FBXO31: variants seen among roughly 807,000 people sequenced by gnomAD.
FBXO31 encodes the protein F-box only protein 31.
Under a neutral mutation model 54.4 loss-of-function variants are expected in FBXO31, and 24 were observed. That is an observed-to-expected ratio of 0.44 (90% CI 0.32 to 0.62). The LOEUF (loss-of-function observed/expected upper bound fraction) is 0.62. Among genes scored for constraint, FBXO31 ranks in the 20% least tolerant of loss-of-function variants. FBXO31 has a pLI of 0.05. For synonymous variants in FBXO31, 388 were observed against 335.6 expected (o/e 1.16, Z -1.71); for missense variants, 665 against 787.1 (o/e 0.84, Z 1.86).
Position 87,383,348 on chromosome 16 carries a change from C to T in FBXO31, c.340+57G>A. ...GCCCCCGCCACTCCCAGCTCCGAGG[C>T]CTCCACCTGGCAGGGACCCCCCGCC... On this transcript the variant is annotated intron_variant, in intron 1 of 8. Coordinates refer to ENST00000311635, the MANE Select transcript of FBXO31 (RefSeq NM_024735.5). The surrounding 1 kb of genome is among the most constrained non-coding windows in gnomAD (Gnocchi z 4.9). 3.5e-6 allele frequency: 5 copies of T among 1,410,422 alleles called. No individual in the cohort carries two copies. Among genetic ancestry groups the T allele is most frequent in the South Asian group, 2.6e-5 (2 of 77,858 alleles). 87.4% of individuals were successfully genotyped at this position (1,410,422 alleles called of 1,614,324 possible).
chr16:87,335,202 C>T lies in FBXO31; in HGVS notation c.996+102G>A. ...GCAGGTGCAAGCCCACTCTGAGGAG[C>T]AAGGGTGCCGGGGATCAGTGTCTGC... On this transcript the variant is annotated intron_variant, in intron 7 of 8. Transcript: ENST00000311635. This position sits in a 1 kb window ranked among gnomAD's most constrained non-coding sequence, Gnocchi z 5.7. The T allele has an allele frequency of 6.5e-7, 1 of 1,539,160 alleles. No homozygotes were observed. The highest frequency in any genetic ancestry group is 1.1e-5 in the South Asian group (1 of 88,530).
intron 2 of FBXO31, among the ~76,000 whole-genome samples, chr16:87,356,032 C>T (rs1905875266): frequency 6.6e-6 from 1 of 152,060 alleles, no homozygotes; most frequent in African/African-American, 2.4e-5. Context: ...AGTTCAAAAC[C>T]AGCCTGGCCA....
rs748126473 is a variant in FBXO31, at chr16:87,331,363, G to A, written c.1545C>T (p.Thr515=). The change falls in exon 9 of 9, where the codon ACC becomes ACT. Residue 515 remains threonine (T), a synonymous_variant. Transcript: ENST00000311635. ...GGGACGGCGCATCTGCGTTCCGGAA[G>A]GTGGCCTGGACCCGGCTGTACAGGC... ...SFSLYSRVQA[T]FRNADAPSPQ... 4.3e-6 allele frequency: 7 copies of A among 1,614,040 alleles called. No individual in the cohort carries two copies. The highest frequency in any genetic ancestry group is 2.2e-5 in the East Asian group (1 of 44,874).
At chr16:87,348,800 G>C (rs1905512026) in intron 2 of FBXO31, among the ~76,000 whole-genome samples, 1 of 152,232 alleles carries the variant, frequency 6.6e-6, no homozygotes, top group South Asian at 2.1e-4. Flanking sequence ...GGCAGGACCA[G>C]CGCAGGGTGG....
At chr16:87,339,010 G>T (rs1386503286) in intron 5 of FBXO31, among the ~76,000 whole-genome samples, 1 of 152,062 alleles carries the variant, frequency 6.6e-6, no homozygotes, top group East Asian at 1.9e-4. Context: ...TTTTTTGCCT[G>T]CCGCCATGTA....
rs1175692349 is a variant in FBXO31, at chr16:87,383,728, C to G, written c.17G>C (p.Arg6Pro). The change falls in exon 1 of 9, where the codon CGC becomes CCC. Residue 6 changes from arginine to proline, a missense_variant. Physicochemically the swap from Arg to Pro is moderately radical, Grantham distance 103. Coordinates refer to ENST00000311635, the MANE Select transcript of FBXO31 (RefSeq NM_024735.5). This position sits in a 1 kb window ranked among gnomAD's most constrained non-coding sequence, Gnocchi z 4.9. ...GCGCGACGGGCCCACGCCGCAAAGGCGAGCACACACCGCCATGCCGCCCAG... is the reference window on the plus strand; with the variant it reads ...GCGCGACGGGCCCACGCCGCAAAGGGGAGCACACACCGCCATGCCGCCCAG... MAVCA[R>P]LCGVGPSRGC... 1.6e-6 allele frequency: 2 copies of G among 1,231,918 alleles called. No individual in the cohort carries two copies. Among genetic ancestry groups the G allele is most frequent in the East Asian group, 3.5e-5 (1 of 28,538 alleles). The allele number at this position is 1,231,918 out of a possible 1,614,324, so 76.3% of individuals were successfully genotyped here. A position where few individuals can be genotyped will look rare whatever the true frequency, so the allele number is the denominator to read the frequency against.
chr16:87,375,915 C>G (rs1343419518), intron 1 of FBXO31, among the ~76,000 whole-genome samples: 1 of 152,234 alleles, frequency 6.6e-6, no homozygotes, highest in Non-Finnish European at 1.5e-5. Context: ...CTGCCGCCAC[C>G]CTCAGCCTGA....
chr16:87,380,491 G>A (rs998439824), intron 1 of FBXO31, among the ~76,000 whole-genome samples: 1 of 152,010 alleles, frequency 6.6e-6, no homozygotes, highest in East Asian at 1.9e-4. Flanking sequence ...AGCCTCGACC[G>A]CCTCAGGGTC....
At chr16:87,334,366 C>T in intron 7 of FBXO31, 80 bp from the exon 8 acceptor site, 1 of 1,358,634 alleles carries the variant, frequency 7.4e-7, no homozygotes. Context: ...CCCAGATCCA[C>T]CTCTGGCTGA....
In FBXO31 at chr16:87,342,487, A is replaced by C. The variant is rs77740726; in HGVS notation, c.732+390T>G. On this transcript the variant is annotated intron_variant, in intron 5 of 8. Transcript: ENST00000311635. ...GCACTGGCACGATCCGGAAGCCTCC[A>C]CACGGTCTGCTCAAGGATGGGAAAC... is the stretch of plus-strand genomic sequence containing the variant. Among the ~76,000 whole-genome samples the C allele has an allele frequency of 9.2e-3, 1,396 of 152,312 alleles. 17 individuals carry two copies. Among genetic ancestry groups the C allele is most frequent in the African/African-American group, 0.032 (1,322 of 41,558 alleles).
At chr16:87,340,404 A>G (rs1406617454) in intron 5 of FBXO31, among the ~76,000 whole-genome samples, 1 of 152,268 alleles carries the variant, frequency 6.6e-6, no homozygotes, top group African/African-American at 2.4e-5. Context: ...CTAGGACAAA[A>G]GCAGCGCTAC....
upstream of FBXO31, among the ~76,000 whole-genome samples, chr16:87,387,720 T>C: frequency 6.6e-6 from 1 of 152,076 alleles, no homozygotes; most frequent in Non-Finnish European, 1.5e-5. Flanking sequence ...AGCAGGAGAA[T>C]GGTGTGAACC....
chr16:87,331,735 T>C (rs1904867898), intron 8 of FBXO31, among the ~76,000 whole-genome samples: 1 of 152,214 alleles, frequency 6.6e-6, no homozygotes, highest in Non-Finnish European at 1.5e-5. Context: ...GCCCACCTGA[T>C]GATGGACGCA....
At chr16:87,376,828 C>A (rs1188508592) in intron 1 of FBXO31, among the ~76,000 whole-genome samples, 1 of 152,228 alleles carries the variant, frequency 6.6e-6, no homozygotes, top group Non-Finnish European at 1.5e-5. Flanking sequence ...CTTGAACTGG[C>A]CTGCCCTTGG....
At chr16:87,369,935 T>A (rs1428748975) in intron 1 of FBXO31, among the ~76,000 whole-genome samples, 1 of 152,204 alleles carries the variant, frequency 6.6e-6, no homozygotes, top group Non-Finnish European at 1.5e-5. Flanking sequence ...CCCAGTGACC[T>A]GACCTGAGTC....
At chr16:87,341,492 C>T (rs1053538296) in intron 5 of FBXO31, among the ~76,000 whole-genome samples, 1 of 151,712 alleles carries the variant, frequency 6.6e-6, no homozygotes, top group Non-Finnish European at 1.5e-5. Context: ...CCCATCTCTA[C>T]TAAAAATACA....
intron 5 of FBXO31, among the ~76,000 whole-genome samples, chr16:87,340,915 T>C (rs898387253): frequency 1.3e-5 from 2 of 152,094 alleles, no homozygotes; most frequent in African/African-American, 2.4e-5. Context: ...GGGCTTCGAT[T>C]TCCTAATAGT....
chr16:87,329,688 C>T lies in FBXO31; in HGVS notation c.*1600G>A, dbSNP rs1195520942. The T allele has an allele frequency of 1.3e-5, 2 of 152,114 alleles. No individual in the cohort carries two copies. Among genetic ancestry groups the T allele is most frequent in the African/African-American group, 4.8e-5 (2 of 41,326 alleles). The allele number at this position is 152,114 out of a possible 1,614,324, so 9.4% of individuals were successfully genotyped here. On this transcript the variant is annotated 3_prime_UTR_variant, in exon 9 of 9. Transcript: ENST00000311635. ...CACACAAGAGCCAGCAGGTGCGCCT[C>T]GGGGTCTGCGTGGCTCCCGCTGCTG...
intron 2 of FBXO31, among the ~76,000 whole-genome samples, chr16:87,355,339 G>GA (rs1391298519): frequency 1.5e-4 from 23 of 152,212 alleles, no homozygotes; most frequent in Non-Finnish European, 2.5e-4. Context: ...AGACTTTTCC[G>GA]AAAGGTTTGG....
Sources: gnomAD v4.1 joint callset for allele counts (sites outside exome capture counted in the v4.1 genomes callset) on GRCh38, gnomAD v4.1.1 for gene constraint, Gnocchi (gnomAD v3.1) non-coding constraint, MANE v1.5 for transcripts, NCBI Gene and HGNC (gene_info 2026-07-23, HGNC 2026-07-21) for gene names.